The following LIMCH1 variants were observed in gnomAD, a reference collection of about 807,000 sequenced individuals.
LIMCH1 encodes the protein LIM and calponin homology domains-containing protein 1.
A neutral mutation model predicts 176.5 loss-of-function variants in LIMCH1; 113 were observed. The ratio of observed to expected loss-of-function variants is 0.64; its 90% CI spans 0.55 to 0.75. The LOEUF is 0.75. Ranked by LOEUF, LIMCH1 falls within the 30% of genes least tolerant of loss-of-function variation. The probability of loss-of-function intolerance (pLI) is 0.00; values close to 1 mark genes in which losing one functional copy is unlikely to be tolerated. For missense variants in LIMCH1, 1,674 were observed against 1,814.9 expected (o/e 0.92, Z 1.41); for synonymous variants, 619 against 645.9 (o/e 0.96, Z 0.63).
In LIMCH1 at chr4:41,600,008, T is replaced by G. The variant is rs572565632; in HGVS notation, c.-134+982T>G. Among the ~76,000 whole-genome samples the G allele has an allele frequency of 7.9e-5, 12 of 152,290 alleles. No individual in the cohort carries two copies. In the South Asian group the frequency reaches 2.5e-3, roughly 32 times the overall value. On this transcript the variant is annotated intron_variant, in intron 2 of 31. Transcript: ENST00000503057. ...TATACTATTTGCTTGATTTTTTATT[T>G]TTTAAAAAGGATGAGGAAAAATAGG...
chr4:41,647,028 G>A lies in LIMCH1; in HGVS notation c.2820+135G>A, dbSNP rs922334162. ...TGTGTTGACATTTACAGCTGTGAAA[G>A]TCATAGGTCTCTGGAGATTTGGTTT... is the stretch of plus-strand genomic sequence containing the variant. On this transcript the variant is annotated intron_variant, in intron 17 of 31. Transcript: ENST00000503057. The A allele has an allele frequency of 6.0e-6, 5 of 831,032 alleles. No individual in the cohort carries two copies. The African/African-American group carries it at 6.9e-5, about 11-fold the overall frequency. The allele number at this position is 831,032 out of a possible 1,614,324, so 51.5% of individuals were successfully genotyped here. A position where few individuals can be genotyped will look rare whatever the true frequency, so the allele number is the denominator to read the frequency against.
At chr4:41,485,068 A>G (rs2069275135) in intron 1 of LIMCH1, among the ~76,000 whole-genome samples, 1 of 152,248 alleles carries the variant, frequency 6.6e-6, no homozygotes, top group Non-Finnish European at 1.5e-5. Context: ...AGTGTTTTAT[A>G]TCACATTGTA....
intron 1 of LIMCH1, among the ~76,000 whole-genome samples, chr4:41,420,332 C>G (rs538822511): frequency 1.3e-5 from 2 of 152,138 alleles, no homozygotes; most frequent in African/African-American, 2.4e-5. Context: ...AGGTTCCCAC[C>G]CCCATTTTTC....
Position 41,369,764 on chromosome 4 carries a change from C to T in LIMCH1, c.96+8828C>T, listed in dbSNP as rs71608075. ...CCAAGGACTGCGTCTTAGTCATCAC[C>T]CTGTTCCCTCCTTGTTTCAGCCAGG... On this transcript the variant is annotated intron_variant, in intron 1 of 26. Transcript: ENST00000313860. Among the ~76,000 whole-genome samples, 304 of 151,740 alleles carry T rather than the reference C, an allele frequency of 2.0e-3. 2 individuals are homozygous for T. The highest frequency in any genetic ancestry group is 0.014 in the Middle Eastern group (4 of 294).
chr4:41,513,156 G>T (rs1454886160), intron 2 of LIMCH1, among the ~76,000 whole-genome samples: 1 of 152,132 alleles, frequency 6.6e-6, no homozygotes, highest in South Asian at 2.1e-4. Context: ...ACTAAAAAAG[G>T]CACATTCATT....
chr4:41,696,050 G>A (rs1292781871), intron 31 of LIMCH1, among the ~76,000 whole-genome samples: 1 of 152,110 alleles, frequency 6.6e-6, no homozygotes, highest in Non-Finnish European at 1.5e-5. Context: ...ATTTCATTTT[G>A]TGGAATAATA....
chr4:41,501,301 C>G (rs1353953772), intron 2 of LIMCH1, among the ~76,000 whole-genome samples: 1 of 152,200 alleles, frequency 6.6e-6, no homozygotes, highest in South Asian at 2.1e-4. Context: ...TGATCTGAAG[C>G]ATTCACTGCA....
chr4:41,367,742 C>T (rs1268465673), intron 1 of LIMCH1, among the ~76,000 whole-genome samples: 1 of 149,894 alleles, frequency 6.7e-6, no homozygotes, highest in Non-Finnish European at 1.5e-5. Flanking sequence ...TGGCAGGCAC[C>T]TGTAGTCCCA....
chr4:41,643,180 G>T (rs1472957320), intron 14 of LIMCH1, among the ~76,000 whole-genome samples: 2 of 152,184 alleles, frequency 1.3e-5, no homozygotes, highest in Non-Finnish European at 2.9e-5. Flanking sequence ...TGCTTTGGGG[G>T]TCATCTTCCA....
chr4:41,472,855 T>TGCG (rs1308774509), intron 1 of LIMCH1, among the ~76,000 whole-genome samples: 16 of 152,146 alleles, frequency 1.1e-4, no homozygotes, highest in Non-Finnish European at 2.1e-4. Context: ...AAAACAAAAC[T>TGCG]TTTTTTAAAA....
intron 2 of LIMCH1, among the ~76,000 whole-genome samples, chr4:41,496,153 ATGT>A (rs1379421568): frequency 6.6e-6 from 1 of 152,220 alleles, no homozygotes; most frequent in Non-Finnish European, 1.5e-5. Flanking sequence ...CATGCAGACC[ATGT>A]TGGTTCAATT....
intron 1 of LIMCH1, among the ~76,000 whole-genome samples, chr4:41,426,077 A>G (rs1376621827): frequency 2.3e-5 from 3 of 132,318 alleles, no homozygotes; most frequent in Non-Finnish European, 3.1e-5. Context: ...GCTGGAGTGC[A>G]GTGGCGGGAT....
intron 30 of LIMCH1, among the ~76,000 whole-genome samples, chr4:41,691,478 G>C (rs959425955): frequency 6.6e-6 from 1 of 151,952 alleles, no homozygotes; most frequent in African/African-American, 2.4e-5. Context: ...TGGGCACGGT[G>C]GCTCATGCCT....
chr4:41,560,747 G>C (rs916414414), intron 1 of LIMCH1, among the ~76,000 whole-genome samples: 1 of 151,864 alleles, frequency 6.6e-6, no homozygotes, highest in African/African-American at 2.4e-5. Context: ...GGTCAGGCAT[G>C]GTGGCATGTT....
At chr4:41,498,863 A>G (rs2072697142) in intron 2 of LIMCH1, among the ~76,000 whole-genome samples, 1 of 150,918 alleles carries the variant, frequency 6.6e-6, no homozygotes, top group African/African-American at 2.4e-5. Flanking sequence ...CTGGCAAATT[A>G]TGGCCCTTGG....
intron 1 of LIMCH1, among the ~76,000 whole-genome samples, chr4:41,421,598 C>G (rs965920369): frequency 1.8e-4 from 28 of 152,050 alleles, no homozygotes; most frequent in African/African-American, 6.8e-4. Context: ...TTGCAATGAC[C>G]TGATGTTACT....
intron 1 of LIMCH1, among the ~76,000 whole-genome samples, chr4:41,453,303 C>T (rs1281161797): frequency 6.6e-6 from 1 of 152,174 alleles, no homozygotes; most frequent in Non-Finnish European, 1.5e-5. Flanking sequence ...CCCACCTAGT[C>T]AAAAATCTGT....
At chr4:41,650,310 A>G in intron 17 of LIMCH1, 83 bp from the exon 18 acceptor site, 1 of 926,834 alleles carries the variant, frequency 1.1e-6, no homozygotes, top group Non-Finnish European at 1.7e-6. Context: ...TGATCTTTTG[A>G]GGTAATTCTG....
At chr4:41,430,984 A>G (rs1031266089) in intron 1 of LIMCH1, among the ~76,000 whole-genome samples, 2 of 152,232 alleles carry the variant, frequency 1.3e-5, no homozygotes, top group Non-Finnish European at 1.5e-5. Context: ...ACAATGCACA[A>G]GCAAGTTTGT....
Sources: gnomAD v4.1 joint callset for allele counts (sites outside exome capture counted in the v4.1 genomes callset) on GRCh38, gnomAD v4.1.1 for gene constraint, MANE v1.5 for transcripts, NCBI Gene and HGNC (gene_info 2026-07-23, HGNC 2026-07-21) for gene names.